Variants in CTNNA3 observed in about 807,000 individuals in gnomAD.
CTNNA3 encodes the protein catenin alpha-3.
A neutral mutation model predicts 95.7 loss-of-function variants in CTNNA3; 76 were observed. The ratio of observed to expected loss-of-function variants is 0.79; its 90% confidence interval spans 0.66 to 0.96. The LOEUF (loss-of-function observed/expected upper bound fraction) is 0.96, where lower values mean the gene tolerates loss of function less well. Among genes scored for constraint, CTNNA3 ranks in the 40% least tolerant of loss-of-function variants. The probability of loss-of-function intolerance (pLI) is 0.00; values close to 1 mark genes in which losing one functional copy is unlikely to be tolerated. For synonymous variants in CTNNA3, 431 were observed against 374.4 expected (o/e 1.15, Z -1.74); for missense variants, 1,191 against 1,089.8 (o/e 1.09, Z -1.31).
At chr10:66,309,942 TAA>T in intron 12 of CTNNA3, among the ~76,000 whole-genome samples, 1 of 114,670 alleles carries the variant, frequency 8.7e-6, no homozygotes, top group Non-Finnish European at 1.9e-5. Context: ...AATAAATAAA[TAA>T]ATAAATAAAT....
At chr10:66,299,391 AT>A (rs2091829050) in intron 12 of CTNNA3, among the ~76,000 whole-genome samples, 1 of 152,194 alleles carries the variant, frequency 6.6e-6, no homozygotes, top group Non-Finnish European at 1.5e-5. Flanking sequence ...TAGAAGAATA[AT>A]TTTTTTAAAT....
At chr10:66,453,982 T>C (rs1004439143) in intron 11 of CTNNA3, among the ~76,000 whole-genome samples, 1 of 152,150 alleles carries the variant, frequency 6.6e-6, no homozygotes, top group Non-Finnish European at 1.5e-5. Context: ...AGGGAGCTTA[T>C]CCTGAATTAT....
At chr10:66,001,872 C>T (rs768881478) in intron 15 of CTNNA3, among the ~76,000 whole-genome samples, 65 of 152,146 alleles carry the variant, frequency 4.3e-4, no homozygotes, top group Non-Finnish European at 7.6e-4. Flanking sequence ...GACAGTAGTA[C>T]TTTGCAAGTC....
chr10:67,482,967 G>T (rs1392734098), intron 5 of CTNNA3, among the ~76,000 whole-genome samples: 2 of 152,114 alleles, frequency 1.3e-5, no homozygotes, highest in African/African-American at 4.8e-5. Flanking sequence ...GATATGAACA[G>T]ACACTTCTCA....
chr10:66,849,629 A>G (rs1843408260), intron 7 of CTNNA3, among the ~76,000 whole-genome samples: 4 of 152,178 alleles, frequency 2.6e-5, no homozygotes, highest in Admixed American at 2.6e-4. Context: ...ACAGAGAGAC[A>G]TACAGAAACA....
intron 12 of CTNNA3, among the ~76,000 whole-genome samples, chr10:66,326,613 G>T (rs2092257709): frequency 6.6e-6 from 1 of 151,958 alleles, no homozygotes; most frequent in Non-Finnish European, 1.5e-5. Flanking sequence ...AAGATAAACT[G>T]TAATGGCCAT....
At chr10:66,960,685 T>A (rs760038092) in intron 7 of CTNNA3, among the ~76,000 whole-genome samples, 1 of 152,176 alleles carries the variant, frequency 6.6e-6, no homozygotes, top group Non-Finnish European at 1.5e-5. Context: ...TTTGCAAGCA[T>A]CTCTTCATAG....
intron 7 of CTNNA3, among the ~76,000 whole-genome samples, chr10:66,908,144 CTGAG>C (rs947099426): frequency 5.9e-5 from 9 of 152,196 alleles, no homozygotes; most frequent in Non-Finnish European, 1.3e-4. Context: ...CTTGGCATAA[CTGAG>C]TAAGACACCT....
intron 11 of CTNNA3, among the ~76,000 whole-genome samples, chr10:66,458,139 T>G (rs12251519): frequency 0.11 from 17,343 of 152,108 alleles, 1,387 homozygotes; most frequent in African/African-American, 0.23. Flanking sequence ...GAGTGAAAAA[T>G]GTTGATCACA....
chr10:66,797,368 C>T (rs147567273), intron 7 of CTNNA3, among the ~76,000 whole-genome samples: 1 of 142,814 alleles, frequency 7.0e-6, no homozygotes, highest in African/African-American at 2.6e-5. Flanking sequence ...AGCAGCCCCA[C>T]AAGATAGAGT....
chr10:67,270,274 A>C (rs1300855383), intron 5 of CTNNA3, among the ~76,000 whole-genome samples: 1 of 152,136 alleles, frequency 6.6e-6, no homozygotes, highest in Non-Finnish European at 1.5e-5. Flanking sequence ...TGCTCTTTTA[A>C]AATAAACATA....
chr10:66,361,981 C>T (rs567600920), intron 12 of CTNNA3, among the ~76,000 whole-genome samples: 2 of 151,916 alleles, frequency 1.3e-5, no homozygotes, highest in Non-Finnish European at 2.9e-5. Flanking sequence ...ACTTTATTAG[C>T]CTTTGTAATA....
intron 5 of CTNNA3, among the ~76,000 whole-genome samples, chr10:67,302,079 GAA>G (rs1564548534): frequency 1.2e-5 from 1 of 81,130 alleles, no homozygotes; most frequent in Non-Finnish European, 2.4e-5. Flanking sequence ...AAGAAAGAAA[GAA>G]AGAAAGAAAG....
intron 13 of CTNNA3, among the ~76,000 whole-genome samples, chr10:66,193,507 T>A (rs1428403755): frequency 6.6e-6 from 1 of 152,170 alleles, no homozygotes; most frequent in Non-Finnish European, 1.5e-5. Context: ...GAAGAAGCCA[T>A]ATATAATCAG....
At chr10:67,112,735 G>T (rs768364406) in intron 7 of CTNNA3, among the ~76,000 whole-genome samples, 1 of 151,456 alleles carries the variant, frequency 6.6e-6, no homozygotes, top group Non-Finnish European at 1.5e-5. Context: ...ATGTTTTGCT[G>T]CATAACACTC....
intron 7 of CTNNA3, among the ~76,000 whole-genome samples, chr10:66,855,293 C>G (rs539531744): frequency 6.6e-6 from 1 of 151,964 alleles, no homozygotes; most frequent in Non-Finnish European, 1.5e-5. Flanking sequence ...ACAATTAAAT[C>G]AAGATCTCTA....
rs142391037 is a variant in CTNNA3 at position 67,557,786 on chromosome 10, G to A, written c.293-18117C>T. On this transcript the variant is annotated intron_variant, in intron 3 of 17. Transcript: ENST00000433211. ...ATATTAAGGCAGGAACATCAACCAA[G>A]AACAACTTCTAATGCCACCATAGCT... Among the ~76,000 whole-genome samples the A allele has an allele frequency of 2.9e-3, 439 of 152,258 alleles. 3 individuals are homozygous for A. The highest frequency in any genetic ancestry group is 0.01 in the Middle Eastern group (3 of 294).
chr10:66,861,289 C>G (rs1312244081), intron 7 of CTNNA3, among the ~76,000 whole-genome samples: 1 of 152,198 alleles, frequency 6.6e-6, no homozygotes, highest in East Asian at 1.9e-4. Flanking sequence ...GAACTTCCCA[C>G]TGGGGCCACT....
intron 5 of CTNNA3, among the ~76,000 whole-genome samples, chr10:67,272,388 C>CA (rs1334771293): frequency 1.3e-5 from 2 of 151,746 alleles, no homozygotes; most frequent in South Asian, 2.1e-4. Context: ...CTTGTCTCTA[C>CA]AAAAAAATAC....
Sources: allele counts gnomAD v4.1 joint callset (sites outside exome capture counted in the v4.1 genomes callset), GRCh38; gene constraint gnomAD v4.1.1; transcripts MANE v1.5; gene names NCBI Gene and HGNC (gene_info 2026-07-23, HGNC 2026-07-21).